The following RAB6B variants were observed in gnomAD, a reference collection of about 807,000 sequenced individuals.
The protein encoded by RAB6B is RAB6B, member RAS oncogene family, also known as ras-related protein Rab-6B.
RAB6B carries 7 observed loss-of-function variants against 31.2 expected under a neutral mutation model. The ratio of observed to expected loss-of-function variants is 0.22; its 90% CI spans 0.13 to 0.42. The LOEUF is 0.42. Ranked by LOEUF, RAB6B falls within the 10% of genes least tolerant of loss-of-function variation. RAB6B has a pLI of 1.00. For missense variants in RAB6B, 149 were observed against 280.6 expected (o/e 0.53, Z 3.35); for synonymous variants, 105 against 104.9 (o/e 1.00, Z -0.01).
chr3:133,871,426 C>T (rs1465777325), intron 1 of RAB6B, among the ~76,000 whole-genome samples: 8 of 152,320 alleles, frequency 5.3e-5, no homozygotes, highest in Middle Eastern at 3.4e-3. Context: ...CTGGATGAAA[C>T]GACAGTCATG....
chr3:133,860,488 A>G (rs1231487949), intron 2 of RAB6B, among the ~76,000 whole-genome samples: 4 of 152,230 alleles, frequency 2.6e-5, no homozygotes, highest in African/African-American at 9.6e-5. Flanking sequence ...CCTCCAGAAC[A>G]GTAAGAAAAT....
intron 1 of RAB6B, among the ~76,000 whole-genome samples, chr3:133,881,739 C>T (rs975294035): frequency 2.0e-5 from 3 of 152,184 alleles, no homozygotes; most frequent in Admixed American, 1.3e-4. Flanking sequence ...GGGCCTGACC[C>T]CAATGAGTGC....
At chr3:133,879,133 A>G (rs1936433398) in intron 1 of RAB6B, among the ~76,000 whole-genome samples, 1 of 152,256 alleles carries the variant, frequency 6.6e-6, no homozygotes, top group South Asian at 2.1e-4. Context: ...CAGAATTGTT[A>G]TGAATTCTAT....
chr3:133,841,305 A>T lies in RAB6B; in HGVS notation c.269T>A (p.Val90Glu). ...CTCACTTGTGATGTCGTACACCACCACAGCCACCGTGGAGTCCCGGATGTA... is the reference window on the plus strand; with the variant it reads ...CTCACTTGTGATGTCGTACACCACCTCAGCCACCGTGGAGTCCCGGATGTA... ...PSYIRDSTVAVVVYDITNLNS... is the reference protein window; with the variant it reads ...PSYIRDSTVAEVVYDITNLNS... The change falls in exon 4 of 8, where the codon GTG (valine) becomes GAG (glutamate). Residue 90 changes from valine (V) to glutamate (E), a missense_variant. Coordinates refer to ENST00000285208, the MANE Select transcript of RAB6B (RefSeq NM_016577.4). 6.2e-7 allele frequency: 1 copy of T among 1,614,124 alleles called. No individual in the cohort carries two copies. The highest frequency in any genetic ancestry group is 8.5e-7 in the Non-Finnish European group (1 of 1,179,996).
intron 4 of RAB6B, 141 bp from the exon 5 acceptor site, chr3:133,839,758 C>T (rs1219645808): frequency 7.2e-6 from 5 of 697,758 alleles, no homozygotes; most frequent in African/African-American, 3.5e-5. Flanking sequence ...GCTCAGTCAA[C>T]ACAGATCAGC....
At chr3:133,885,616 G>A in intron 1 of RAB6B, 2 of 703,024 alleles carry the variant, frequency 2.8e-6, no homozygotes, top group South Asian at 1.5e-5. Context: ...GCTGCCAGCA[G>A]TCCCGCAGAA....
At chr3:133,885,540 GGCCAGTTTC>G (rs1936534295) in intron 1 of RAB6B, 3 of 702,904 alleles carry the variant, frequency 4.3e-6, no homozygotes, top group Admixed American at 2.0e-5. Context: ...CACACCCAAT[GGCCAGTTTC>G]TGGTCATATG....
intron 1 of RAB6B, among the ~76,000 whole-genome samples, chr3:133,873,439 C>T (rs1936352918): frequency 6.6e-6 from 1 of 152,108 alleles, no homozygotes; most frequent in Non-Finnish European, 1.5e-5. Flanking sequence ...CCACCTTTAA[C>T]ACAAAGAGGC....
intron 1 of RAB6B, among the ~76,000 whole-genome samples, chr3:133,889,422 A>C (rs1474659131): frequency 3.4e-5 from 2 of 58,170 alleles, no homozygotes; most frequent in African/African-American, 1.4e-4. Context: ...ATATATATAT[A>C]TATATATATA....
At chr3:133,854,703 C>T (rs1386660032) in intron 2 of RAB6B, among the ~76,000 whole-genome samples, 1 of 152,194 alleles carries the variant, frequency 6.6e-6, no homozygotes, top group African/African-American at 2.4e-5. Flanking sequence ...TTCTTCTGAA[C>T]ATGGTATTAA....
At chr3:133,838,290 T>C in intron 5 of RAB6B, 31 bp from the exon 6 acceptor site, 1 of 1,594,292 alleles carries the variant, frequency 6.3e-7, no homozygotes, top group Non-Finnish European at 8.6e-7. Flanking sequence ...GGAAATCAGC[T>C]CAGCAGAGAA....
chr3:133,861,900 A>T (rs1200362961), intron 2 of RAB6B, among the ~76,000 whole-genome samples: 1 of 152,148 alleles, frequency 6.6e-6, no homozygotes, highest in Non-Finnish European at 1.5e-5. Context: ...GCAGGGGCAC[A>T]ACTTGGGGTG....
intron 1 of RAB6B, chr3:133,885,432 C>T: frequency 1.4e-6 from 1 of 699,982 alleles, no homozygotes; most frequent in East Asian, 2.7e-5. Flanking sequence ...AGGACGGGAA[C>T]TCACATACCC....
intron 2 of RAB6B, among the ~76,000 whole-genome samples, chr3:133,850,828 TA>T (rs1169474994): frequency 6.6e-6 from 1 of 151,520 alleles, no homozygotes; most frequent in Non-Finnish European, 1.5e-5. Context: ...ATTAAAAAAA[TA>T]AAGAAACAAA....
At chr3:133,895,301 C>T in intron 1 of RAB6B, 96 bp downstream of exon 1, 1 of 1,319,038 alleles carries the variant, frequency 7.6e-7, no homozygotes, top group Non-Finnish European at 1.1e-6. Context: ...CAAGGAGGGG[C>T]CTTTCCGAGC....
At chr3:133,880,920 G>A (rs1936458291) in intron 1 of RAB6B, among the ~76,000 whole-genome samples, 1 of 152,190 alleles carries the variant, frequency 6.6e-6, no homozygotes, top group Non-Finnish European at 1.5e-5. Context: ...TTTAAGAGAT[G>A]AAGACCACTG....
At chr3:133,828,886 C>T in intron 7 of RAB6B, 34 bp from the exon 8 acceptor site, 1 of 1,552,558 alleles carries the variant, frequency 6.4e-7, no homozygotes, top group Non-Finnish European at 8.8e-7. Flanking sequence ...GATGACTCTC[C>T]TGGACAAGCT....
intron 1 of RAB6B, among the ~76,000 whole-genome samples, chr3:133,867,434 T>C (rs1195563081): frequency 6.6e-6 from 1 of 152,072 alleles, no homozygotes; most frequent in Admixed American, 6.5e-5. Context: ...AGCCCTCAAC[T>C]CTGGGTGGCA....
rs1221570219 is a variant in RAB6B, at chr3:133,891,650, T to C, written c.70+3747A>G. 5.3e-5 allele frequency among the ~76,000 whole-genome samples: 8 copies of C among 152,100 alleles called. No individual in the cohort carries two copies. The East Asian group carries it at 1.2e-3, about 22-fold the overall frequency. On this transcript the variant is annotated intron_variant, in intron 1 of 7. Coordinates refer to ENST00000285208, the MANE Select transcript of RAB6B (RefSeq NM_016577.4). Reference sequence around the variant, plus strand: ...CTCAAAGAATAAATAAATAAACAGATAATGGAGGGAGGACAGGAGAGAGAA... The same window carrying C: ...CTCAAAGAATAAATAAATAAACAGACAATGGAGGGAGGACAGGAGAGAGAA...
Sources: gnomAD v4.1 joint callset for allele counts (sites outside exome capture counted in the v4.1 genomes callset) on GRCh38, gnomAD v4.1.1 for gene constraint, MANE v1.5 for transcripts, NCBI Gene and HGNC (gene_info 2026-07-23, HGNC 2026-07-21) for gene names.